NRG3: variants seen among roughly 807,000 people sequenced by gnomAD.
NRG3 encodes the protein neuregulin 3.
NRG3 carries 31 observed loss-of-function variants against 66.9 expected under a neutral mutation model. The observed-to-expected ratio is 0.46, with a 90% CI of 0.35 to 0.63. The LOEUF is 0.63. NRG3 is among the 20% of genes least tolerant of loss of function. The probability of loss-of-function intolerance (pLI) is 0.00; values close to 1 mark genes in which losing one functional copy is unlikely to be tolerated. For synonymous variants in NRG3, 393 were observed against 359.4 expected (o/e 1.09, Z -1.06); for missense variants, 910 against 878.9 (o/e 1.04, Z -0.45).
chr10:82,084,126 G>T (rs1263277585), intron 1 of NRG3, among the ~76,000 whole-genome samples: 4 of 152,008 alleles, frequency 2.6e-5, no homozygotes, highest in African/African-American at 9.7e-5. Context: ...TACTCAGGAG[G>T]CTGAGGCAGG....
chr10:82,714,006 T>C (rs986711982), intron 2 of NRG3, among the ~76,000 whole-genome samples: 2 of 152,158 alleles, frequency 1.3e-5, no homozygotes, highest in South Asian at 2.1e-4. Flanking sequence ...ATGTACACCA[T>C]AGGGCTCAGT....
intron 1 of NRG3, among the ~76,000 whole-genome samples, chr10:82,150,528 C>CAAAAAAAAAAAAAAAAAAAAAAAAAAAA (rs1264827514): frequency 7.7e-5 from 4 of 51,724 alleles, no homozygotes; most frequent in African/African-American, 1.7e-4. Flanking sequence ...AAAGAGCACA[C>CAAAAAAAAAAAAAAAAAAAAAAAAAAAA]ACAAAAAAAA....
At chr10:82,783,751 AG>A (rs1211042390) in intron 3 of NRG3, among the ~76,000 whole-genome samples, 6 of 152,224 alleles carry the variant, frequency 3.9e-5, no homozygotes, top group Non-Finnish European at 7.3e-5. Context: ...GTGGGTAGGA[AG>A]AATCAATATC....
chr10:82,123,683 G>A (rs1344097911), intron 1 of NRG3, among the ~76,000 whole-genome samples: 6 of 152,148 alleles, frequency 3.9e-5, no homozygotes, highest in Non-Finnish European at 8.8e-5. Context: ...TTCTGCTGGT[G>A]TCATTAGTTT....
chr10:82,912,663 C>T (rs1443545742), intron 4 of NRG3, among the ~76,000 whole-genome samples: 1 of 152,022 alleles, frequency 6.6e-6, no homozygotes, highest in Non-Finnish European at 1.5e-5. Flanking sequence ...TTTGAGATTT[C>T]TGGATTAATA....
intron 1 of NRG3, among the ~76,000 whole-genome samples, chr10:81,966,263 T>A (rs912058263): frequency 6.6e-6 from 1 of 150,902 alleles, no homozygotes; most frequent in Non-Finnish European, 1.5e-5. Context: ...TTTAATATGC[T>A]ACTAAATTTT....
rs144813805 is a variant in NRG3, at chr10:82,240,189, T to TTAA, written c.824-118547_824-118545dup. On this transcript the variant is annotated intron_variant, in intron 1 of 8. Transcript: ENST00000372141. ...AAATAACTCTTTTTCCCCCCAGCAA[T>TTAA]TAATATACCACTATCGATATAATGT... Among the ~76,000 whole-genome samples the TTAA allele has an allele frequency of 6.4e-3, 967 of 152,184 alleles. 7 individuals carry two copies. The highest frequency in any genetic ancestry group is 0.022 in the African/African-American group (931 of 41,518).
chr10:82,734,368 C>G (rs1287596459), intron 2 of NRG3, among the ~76,000 whole-genome samples: 1 of 151,784 alleles, frequency 6.6e-6, no homozygotes, highest in Non-Finnish European at 1.5e-5. Context: ...AACTACAAAA[C>G]TCCCTACACA....
intron 3 of NRG3, among the ~76,000 whole-genome samples, chr10:82,783,838 A>G (rs2135303151): frequency 6.6e-6 from 1 of 152,320 alleles, no homozygotes; most frequent in East Asian, 1.9e-4. Context: ...GACTTTCTTC[A>G]CAGAATTGGA....
intron 7 of NRG3, among the ~76,000 whole-genome samples, chr10:82,975,918 G>A (rs1295090811): frequency 6.6e-6 from 1 of 152,132 alleles, no homozygotes; most frequent in Non-Finnish European, 1.5e-5. Context: ...ACTCATATAT[G>A]AAACAGAGCT....
At chr10:82,405,570 C>A (rs2136095623) in intron 2 of NRG3, among the ~76,000 whole-genome samples, 1 of 150,930 alleles carries the variant, frequency 6.6e-6, no homozygotes, top group South Asian at 2.1e-4. Context: ...GATTCTCATG[C>A]CTCAACCTCC....
At chr10:82,016,502 G>A (rs1249561955) in intron 1 of NRG3, among the ~76,000 whole-genome samples, 3 of 151,818 alleles carry the variant, frequency 2.0e-5, no homozygotes, top group Admixed American at 6.6e-5. Flanking sequence ...GGCTCAATGA[G>A]GAAGGGCATC....
At chr10:82,835,465 G>A (rs945265747) in intron 3 of NRG3, among the ~76,000 whole-genome samples, 3 of 152,086 alleles carry the variant, frequency 2.0e-5, no homozygotes, top group Non-Finnish European at 2.9e-5. Context: ...AAACAGAATG[G>A]GGAGATGAAC....
chr10:82,697,914 A>C (rs957142001), intron 2 of NRG3, among the ~76,000 whole-genome samples: 1 of 152,134 alleles, frequency 6.6e-6, no homozygotes, highest in Middle Eastern at 3.2e-3. Flanking sequence ...AGGCTGTGAC[A>C]GTCCCGCTCT....
At chr10:82,435,349 A>T (rs2090069052) in intron 2 of NRG3, among the ~76,000 whole-genome samples, 2 of 151,842 alleles carry the variant, frequency 1.3e-5, no homozygotes, top group Non-Finnish European at 2.9e-5. Flanking sequence ...CTTCTTTATT[A>T]GTCTAGCTGG....
intron 2 of NRG3, among the ~76,000 whole-genome samples, chr10:82,648,581 A>G (rs1161285925): frequency 1.3e-5 from 2 of 152,188 alleles, no homozygotes; most frequent in African/African-American, 2.4e-5. Flanking sequence ...CATTGAAGCT[A>G]TAAATTACCT....
At chr10:82,800,874 G>A (rs1411265968) in intron 3 of NRG3, among the ~76,000 whole-genome samples, 1 of 152,122 alleles carries the variant, frequency 6.6e-6, no homozygotes, top group South Asian at 2.1e-4. Flanking sequence ...GACAGCTGGT[G>A]CACAGAGGAG....
At chr10:82,969,377 C>A (rs926728885) in intron 6 of NRG3, among the ~76,000 whole-genome samples, 1 of 152,198 alleles carries the variant, frequency 6.6e-6, no homozygotes, top group African/African-American at 2.4e-5. Flanking sequence ...ATTCATCTGA[C>A]TTTTTCCATG....
chr10:82,161,225 C>T (rs921412310), intron 1 of NRG3, among the ~76,000 whole-genome samples: 28 of 152,128 alleles, frequency 1.8e-4, no homozygotes, highest in African/African-American at 5.3e-4. Flanking sequence ...TTGGAGTCAC[C>T]GGCATAGAGA....
Sources: gnomAD v4.1 joint callset for allele counts (sites outside exome capture counted in the v4.1 genomes callset) on GRCh38, gnomAD v4.1.1 for gene constraint, MANE v1.5 for transcripts, NCBI Gene and HGNC (gene_info 2026-07-23, HGNC 2026-07-21) for gene names.